Variants in CHD2 observed in about 807,000 individuals in gnomAD.
CHD2 encodes ATP-dependent chromatin remodeler CHD2.
Under a neutral mutation model 243.9 loss-of-function variants are expected in CHD2, and 28 were observed. That is an observed-to-expected ratio of 0.11 (90% CI 0.09 to 0.16). The LOEUF (loss-of-function observed/expected upper bound fraction) is 0.16. Among genes scored for constraint, CHD2 ranks in the 10% least tolerant of loss-of-function variants. The pLI is 1.00. For synonymous variants in CHD2, 775 were observed against 779.0 expected, an observed-to-expected ratio of 0.99 and a Z score of 0.09; for missense variants, 1,386 against 2,209.8, an observed-to-expected ratio of 0.63 and a Z score of 7.47.
chr15:92,920,590 G>A (rs769859230), intron 2 of CHD2, among the ~76,000 whole-genome samples: 2 of 151,998 alleles, frequency 1.3e-5, no homozygotes, highest in Non-Finnish European at 2.9e-5. Flanking sequence ...AACTAATGCT[G>A]CCTTTTGTGG....
At chr15:92,971,388 C>A (rs1263730033) in intron 17 of CHD2, among the ~76,000 whole-genome samples, 1 of 152,110 alleles carries the variant, frequency 6.6e-6, no homozygotes, top group African/African-American at 2.4e-5. Context: ...CCTTTGTGTA[C>A]ACACACACAC....
chr15:92,959,747 C>T (rs542121861), intron 16 of CHD2, among the ~76,000 whole-genome samples: 1 of 152,348 alleles, frequency 6.6e-6, no homozygotes, highest in Non-Finnish European at 1.5e-5. Flanking sequence ...CGTCCTTGGC[C>T]TCCCAAAGTA....
intron 13 of CHD2, chr15:92,950,500 A>C (rs1352910754): frequency 6.6e-6 from 1 of 152,212 alleles, no homozygotes; most frequent in African/African-American, 2.4e-5. Flanking sequence ...GCAAATGCTT[A>C]ATGTCTTTAG....
intron 36 of CHD2, 67 bp from the exon 37 acceptor site, chr15:93,014,629 C>G: frequency 1.4e-6 from 2 of 1,410,730 alleles, no homozygotes; most frequent in Non-Finnish European, 2.0e-6. Flanking sequence ...GAGGTGATAG[C>G]CTTTATTCTT....
chr15:92,998,502 C>T lies in CHD2; in HGVS notation c.3889C>T (p.Leu1297=). The T allele has an allele frequency of 6.2e-7, 1 of 1,613,846 alleles. No individual in the cohort carries two copies. The highest frequency in any genetic ancestry group is 8.5e-7 in the Non-Finnish European group (1 of 1,179,892). Residue 1297 remains leucine, a synonymous_variant, in exon 31 of 39, where the codon CTG becomes TTG. Coordinates refer to ENST00000394196, the MANE Select transcript of CHD2 (RefSeq NM_001271.4). The surrounding 1 kb of genome is among the most constrained non-coding windows in gnomAD (Gnocchi z 5.1). ...TTCTCTTCCTTTCTTGTTGAAGATT[C>T]TGCCGGTGGAGACAGATAAAAAGCC... ...DPELKLTDKI[L]PVETDKKPQG...
At chr15:92,933,410 C>G (rs908062372) in intron 5 of CHD2, among the ~76,000 whole-genome samples, 2 of 152,190 alleles carry the variant, frequency 1.3e-5, no homozygotes, top group Non-Finnish European at 2.9e-5. Flanking sequence ...TTGCAGTTCT[C>G]ATCTGGCCCC....
Position 92,967,610 on chromosome 15 carries a change from T to C in CHD2, c.2189+97T>C, listed in dbSNP as rs1273595390. 3 of 883,294 alleles carry C rather than the reference T, an allele frequency of 3.4e-6. No homozygotes were observed. The Admixed American group carries it at 1.1e-4, about 31-fold the overall frequency. 54.7% of individuals were successfully genotyped at this position (883,294 alleles called of 1,614,324 possible). A position where few individuals can be genotyped will look rare whatever the true frequency, so the allele number is the denominator to read the frequency against. On this transcript the variant is annotated intron_variant, in intron 17 of 38. Transcript: ENST00000394196. ...TATATATACTTTTGTTTTTTTTTTT[T>C]TTGGAGACAGAGTCTCGCGATTCTG...
At position 93,025,901 on chromosome 15, in the gene CHD2, C is replaced by A. The variant is rs1483819830; in HGVS notation, c.*1196C>A. On this transcript the variant is annotated 3_prime_UTR_variant, in exon 39 of 39. Coordinates refer to ENST00000394196, the MANE Select transcript of CHD2 (RefSeq NM_001271.4). ...ATAAGTACCTGTGGTGAACAAGTTT[C>A]TACTGTAGTTGGAGATCATTAGAAT... 1.3e-5 allele frequency: 2 copies of A among 152,234 alleles called. No homozygotes were observed. The highest frequency in any genetic ancestry group is 2.9e-5 in the Non-Finnish European group (2 of 68,042). The allele number at this position is 152,234 out of a possible 1,614,324, so 9.4% of individuals were successfully genotyped here.
intron 20 of CHD2, among the ~76,000 whole-genome samples, chr15:92,975,962 C>A (rs1298648383): frequency 6.6e-6 from 1 of 152,152 alleles, no homozygotes; most frequent in African/African-American, 2.4e-5. Flanking sequence ...CTCCTTGTTT[C>A]CTCAGCTGTA....
At chr15:92,965,033 C>T (rs2053738353) in intron 16 of CHD2, among the ~76,000 whole-genome samples, 1 of 152,008 alleles carries the variant, frequency 6.6e-6, no homozygotes, top group Admixed American at 6.6e-5. Flanking sequence ...ATTAAAGTAA[C>T]CTATTTTTCT....
In CHD2 at chr15:92,948,269, A is replaced by C. The variant is rs77895678; in HGVS notation, c.1378-683A>C. ...ACAAATCCTGTTATGGTGAAGATCA[A>C]CTGTATTTAGCATATGACAGCTGGA... On this transcript the variant is annotated intron_variant, in intron 12 of 38. Transcript: ENST00000394196. Among the ~76,000 whole-genome samples the C allele has an allele frequency of 2.1e-3, 322 of 152,262 alleles. 1 individual carries two copies. Among genetic ancestry groups the C allele is most frequent in the African/African-American group, 7.3e-3 (305 of 41,550 alleles).
In CHD2 at chr15:93,027,666, GCAGCC is replaced by G. The variant is rs2054596890; in HGVS notation, c.*2965_*2969del. On this transcript the variant is annotated 3_prime_UTR_variant, in exon 39 of 39. Transcript: ENST00000394196. ...CAAAATCCACTTGTCAGCAGGAGCA[GCAGCC>G]CAGGCCCAGCACCAGCGGTCTTCCG... The G allele has an allele frequency of 6.5e-6, 1 of 152,796 alleles. No individual in the cohort carries two copies. 9.5% of individuals were successfully genotyped at this position (152,796 alleles called of 1,614,324 possible). A position where few individuals can be genotyped will look rare whatever the true frequency, so the allele number is the denominator to read the frequency against.
chr15:92,964,912 C>T (rs770779957), intron 16 of CHD2, among the ~76,000 whole-genome samples: 10 of 152,160 alleles, frequency 6.6e-5, no homozygotes, highest in Non-Finnish European at 1.2e-4. Flanking sequence ...TTACTTCTGT[C>T]GTCTAGGCCA....
At chr15:92,959,849 G>A (rs1269310977) in intron 16 of CHD2, among the ~76,000 whole-genome samples, 2 of 152,140 alleles carry the variant, frequency 1.3e-5, no homozygotes, top group African/African-American at 4.8e-5. Flanking sequence ...TTTCAAAATT[G>A]TTTTGGTTAT....
intron 2 of CHD2, among the ~76,000 whole-genome samples, chr15:92,920,265 A>G (rs1408013109): frequency 6.6e-6 from 1 of 152,244 alleles, no homozygotes; most frequent in Admixed American, 6.5e-5. Context: ...AAAGATATTT[A>G]TGGTTACAGT....
intron 13 of CHD2, among the ~76,000 whole-genome samples, chr15:92,950,154 C>T (rs2053533637): frequency 6.6e-6 from 1 of 152,150 alleles, no homozygotes; most frequent in South Asian, 2.1e-4. Flanking sequence ...AACAAATAAC[C>T]TGGTTAAAGT....
intron 2 of CHD2, among the ~76,000 whole-genome samples, chr15:92,910,634 G>A (rs528575849): frequency 1.3e-5 from 2 of 152,152 alleles, no homozygotes; most frequent in East Asian, 1.9e-4. Context: ...GACCTCAAAT[G>A]ATCTTGCCAC....
chr15:92,969,924 C>CTT (rs1429196459), intron 17 of CHD2, among the ~76,000 whole-genome samples: 1 of 140,688 alleles, frequency 7.1e-6, no homozygotes, highest in African/African-American at 2.6e-5. Flanking sequence ...TTTGTTTTTA[C>CTT]TTTTTTTTTT....
chr15:92,952,470 TG>T (rs2053565789), intron 13 of CHD2, among the ~76,000 whole-genome samples: 1 of 152,184 alleles, frequency 6.6e-6, no homozygotes, highest in African/African-American at 2.4e-5. Flanking sequence ...CGGTCCCATC[TG>T]GGGGTGATGG....
Sources: allele counts gnomAD v4.1 joint callset (sites outside exome capture counted in the v4.1 genomes callset), GRCh38; gene constraint gnomAD v4.1.1; non-coding constraint Gnocchi (gnomAD v3.1); transcripts MANE v1.5; gene names NCBI Gene and HGNC (gene_info 2026-07-23, HGNC 2026-07-21).